The following PHACTR4 variants were observed in gnomAD, a reference collection of about 807,000 sequenced individuals.
The protein encoded by PHACTR4 is protein phosphatase 1, regulatory subunit 124.
A neutral mutation model predicts 72.7 loss-of-function variants in PHACTR4; 51 were observed. The ratio of observed to expected loss-of-function variants is 0.70; its 90% CI spans 0.56 to 0.89. The LOEUF (loss-of-function observed/expected upper bound fraction) is 0.89, where lower values mean the gene tolerates loss of function less well. Among genes scored for constraint, PHACTR4 ranks in the 40% least tolerant of loss-of-function variants. The probability of loss-of-function intolerance (pLI) is 0.00; values close to 1 mark genes in which losing one functional copy is unlikely to be tolerated. For synonymous variants in PHACTR4, 255 were observed against 302.5 expected, an observed-to-expected ratio of 0.84 and a Z score of 1.63; for missense variants, 731 against 861.8, an observed-to-expected ratio of 0.85 and a Z score of 1.90.
intron 2 of PHACTR4, among the ~76,000 whole-genome samples, chr1:28,444,782 ATT>A (rs577693546): frequency 4.4e-4 from 51 of 116,674 alleles, no homozygotes; most frequent in African/African-American, 1.3e-3. Flanking sequence ...CACCCAGCTA[ATT>A]TTTTTTTTTT....
chr1:28,477,765 G>A (rs1335296432), intron 8 of PHACTR4, among the ~76,000 whole-genome samples: 1 of 151,724 alleles, frequency 6.6e-6, no homozygotes, highest in African/African-American at 2.4e-5. Flanking sequence ...TCAGCTCAAT[G>A]GAACCTCCAC....
At chr1:28,443,263 G>GTCTTTCTTTCCTTCTTTCTC (rs144990301) in intron 2 of PHACTR4, among the ~76,000 whole-genome samples, 1 of 150,982 alleles carries the variant, frequency 6.6e-6, no homozygotes, top group Non-Finnish European at 1.5e-5. Flanking sequence ...GGATTTCATT[G>GTCTTTCTTTCCTTCTTTCTC]TCTTTCTTTC....
At chr1:28,459,034 A>G in intron 2 of PHACTR4, 51 bp from the exon 3 acceptor site, 3 of 1,499,988 alleles carry the variant, frequency 2.0e-6, no homozygotes, top group South Asian at 1.2e-5. Flanking sequence ...TTTAGAGATT[A>G]TGCTGAAATA....
At chr1:28,496,478 A>C (rs1212042824) in intron 13 of PHACTR4, 56 bp from the exon 14 acceptor site, 2 of 1,585,680 alleles carry the variant, frequency 1.3e-6, no homozygotes, top group Non-Finnish European at 1.7e-6. Context: ...CTGATACATT[A>C]ATAGCAAAGC....
Position 28,473,912 on chromosome 1 carries a change from C to G in PHACTR4, c.1182C>G (p.Val394=). The G allele has an allele frequency of 1.2e-6, 2 of 1,614,174 alleles. No homozygotes were observed. The highest frequency in any genetic ancestry group is 1.7e-6 in the Non-Finnish European group (2 of 1,180,032). The part of the protein sequence containing the change: ...IPQQEDQKKE[V]PKRILDQNFG... ...AGCAGGAAGATCAGAAAAAGGAAGT[C>G]CCCAAGAGGATACTGGACCAGAACT... Residue 394 remains valine (V), a synonymous_variant, in exon 7 of 14, where the codon GTC becomes GTG. Coordinates refer to ENST00000373839, the MANE Select transcript of PHACTR4 (RefSeq NM_001048183.3).
chr1:28,443,755 C>T (rs2124418890), intron 2 of PHACTR4, among the ~76,000 whole-genome samples: 1 of 152,180 alleles, frequency 6.6e-6, no homozygotes, highest in South Asian at 2.1e-4. Context: ...ACACCTGGCT[C>T]ATTCTTTTTT....
At chr1:28,432,233 T>A (rs939228273) in intron 2 of PHACTR4, among the ~76,000 whole-genome samples, 5 of 151,562 alleles carry the variant, frequency 3.3e-5, no homozygotes, top group African/African-American at 7.3e-5. Context: ...ATCTTTGGTA[T>A]GCCCAGCAAT....
chr1:28,443,275 C>CTTTCTTTCTT (rs1657175325), intron 2 of PHACTR4, among the ~76,000 whole-genome samples: 2 of 37,956 alleles, frequency 5.3e-5, no homozygotes, highest in Admixed American at 1.9e-4. Flanking sequence ...CTTTCTTTCT[C>CTTTCTTTCTT]TCTCTCTCTT....
chr1:28,413,917 T>C (rs1654935830), intron 2 of PHACTR4, among the ~76,000 whole-genome samples: 1 of 152,168 alleles, frequency 6.6e-6, no homozygotes, highest in Admixed American at 6.6e-5. Flanking sequence ...CATTCTCATA[T>C]CAGTATCAGG....
At position 28,447,103 on chromosome 1, in the gene PHACTR4, T is replaced by C. The variant is rs550235185; in HGVS notation, c.17-11982T>C. On this transcript the variant is annotated intron_variant, in intron 2 of 13. Transcript: ENST00000373839. ...TCAGCTCACTGCAACCTCTACCTCC[T>C]GGGTTCAAAGTAATTCTCCTGCCTT... Among the ~76,000 whole-genome samples, 95 of 152,032 alleles carry C rather than the reference T, an allele frequency of 6.2e-4. 1 individual carries two copies. The Middle Eastern group carries it at 0.014, about 22-fold the overall frequency.
chr1:28,428,120 G>A (rs1655990840), intron 2 of PHACTR4, among the ~76,000 whole-genome samples: 1 of 152,210 alleles, frequency 6.6e-6, no homozygotes, highest in Admixed American at 6.5e-5. Flanking sequence ...GCAATGATTT[G>A]AATCAGTTGT....
At chr1:28,403,631 T>C (rs1481735879) in intron 1 of PHACTR4, among the ~76,000 whole-genome samples, 2 of 152,186 alleles carry the variant, frequency 1.3e-5, no homozygotes, top group African/African-American at 4.8e-5. Flanking sequence ...TACAACTCAA[T>C]GGCTTTTAAT....
At chr1:28,379,069 G>T (rs968513192) in intron 1 of PHACTR4, among the ~76,000 whole-genome samples, 1 of 152,046 alleles carries the variant, frequency 6.6e-6, no homozygotes, top group Admixed American at 6.6e-5. Flanking sequence ...CAATCTTCCT[G>T]TCTCAGCCTG....
At chr1:28,470,988 T>G (rs1469860642) in intron 6 of PHACTR4, among the ~76,000 whole-genome samples, 2 of 150,320 alleles carry the variant, frequency 1.3e-5, no homozygotes, top group Non-Finnish European at 3.0e-5. Flanking sequence ...TTCATGCCAC[T>G]GCACTCCAGT....
intron 1 of PHACTR4, among the ~76,000 whole-genome samples, chr1:28,372,394 T>C (rs564746125): frequency 4.6e-5 from 7 of 152,254 alleles, no homozygotes; most frequent in African/African-American, 1.7e-4. Flanking sequence ...TATCTCATAA[T>C]GGAAGTGACT....
intron 8 of PHACTR4, among the ~76,000 whole-genome samples, chr1:28,476,946 T>G (rs1480791382): frequency 6.7e-6 from 1 of 150,330 alleles, no homozygotes; most frequent in African/African-American, 2.5e-5. Flanking sequence ...AATTTTGTAT[T>G]TTTAGTAGAG....
chr1:28,439,705 C>G (rs1023264030), intron 2 of PHACTR4, among the ~76,000 whole-genome samples: 2 of 152,184 alleles, frequency 1.3e-5, no homozygotes, highest in African/African-American at 4.8e-5. Flanking sequence ...AAAGATAAAC[C>G]TCACACTATC....
intron 9 of PHACTR4, among the ~76,000 whole-genome samples, chr1:28,484,435 C>T (rs1660490397): frequency 6.7e-6 from 1 of 150,176 alleles, no homozygotes; most frequent in African/African-American, 2.5e-5. Context: ...CTAGACAGGG[C>T]ATAAATATAG....
chr1:28,432,712 A>G (rs995117842), intron 2 of PHACTR4, among the ~76,000 whole-genome samples: 11 of 152,048 alleles, frequency 7.2e-5, no homozygotes, highest in Non-Finnish European at 1.5e-4. Flanking sequence ...GGTAGCTTCA[A>G]TTCCTTTGCC....
Sources: gnomAD v4.1 joint callset for allele counts (sites outside exome capture counted in the v4.1 genomes callset) on GRCh38, gnomAD v4.1.1 for gene constraint, MANE v1.5 for transcripts, NCBI Gene and HGNC (gene_info 2026-07-23, HGNC 2026-07-21) for gene names.